Variants in DEFB112 observed in about 807,000 individuals in gnomAD.
DEFB112 encodes the protein defensin beta 112, also known as beta-defensin 112.
In DEFB112, 2 loss-of-function variants were observed where a neutral mutation model predicts 1.1. The ratio of observed to expected loss-of-function variants is 1.85; its 90% CI spans 0.76 to 5.83. The LOEUF is 5.83. DEFB112 is among the 30% of genes most tolerant of loss of function. The probability of loss-of-function intolerance (pLI) is 0.05; values close to 1 mark genes in which losing one functional copy is unlikely to be tolerated. For missense variants in DEFB112, 120 were observed against 94.4 expected (o/e 1.27, Z -1.12); for synonymous variants, 40 against 31.2 (o/e 1.28, Z -0.93).
chr6:50,045,757 C>T (rs1476202297), intron 1 of DEFB112, among the ~76,000 whole-genome samples: 1 of 152,086 alleles, frequency 6.6e-6, no homozygotes, highest in South Asian at 2.1e-4. Flanking sequence ...CAAAATGGCA[C>T]CTGTTACTGG....
At chr6:50,044,807 T>C (rs1424155765) in intron 1 of DEFB112, among the ~76,000 whole-genome samples, 1 of 152,108 alleles carries the variant, frequency 6.6e-6, no homozygotes, top group Non-Finnish European at 1.5e-5. Flanking sequence ...TGGATAAAAA[T>C]GACCAAGTCC....
At position 50,043,680 on chromosome 6, in the gene DEFB112, T is replaced by G. The variant is rs1432904318; in HGVS notation, c.180A>C (p.Thr60=). 1 of 1,613,616 alleles carries G rather than the reference T, an allele frequency of 6.2e-7. No homozygotes were observed. Among genetic ancestry groups the G allele is most frequent in the Admixed American group, 1.7e-5 (1 of 59,988 alleles). Reference sequence around the variant, plus strand: ...CACATTCTGTCACGCAGCAATGAGTTGTAGGTCTTGCACAGTATGAAATCC... The same window carrying G: ...CACATTCTGTCACGCAGCAATGAGTGGTAGGTCTTGCACAGTATGAAATCC... ...EFRISYCARP[T]THCCVTECDP... The change falls in exon 2 of 2, where the codon ACA becomes ACC. Residue 60 remains threonine (T), a synonymous_variant. Coordinates refer to ENST00000651554, the MANE Select transcript of DEFB112 (RefSeq NM_001369057.2).
Position 50,042,366 on chromosome 6 carries a change from G to C in DEFB112, c.*1209C>G, listed in dbSNP as rs1398609891. The stretch of plus-strand genomic sequence containing the variant: ...GGTACTGTGTACAGGATATGTTTTG[G>C]TTATAAGATTAACCCAAAGCTGAAA... On this transcript the variant is annotated 3_prime_UTR_variant, in exon 2 of 2. Transcript: ENST00000651554. Among the ~76,000 whole-genome samples, 1 of 151,962 alleles carries C rather than the reference G, an allele frequency of 6.6e-6. No individual in the cohort carries two copies. The highest frequency in any genetic ancestry group is 6.6e-5 in the Admixed American group (1 of 15,216).
At chr6:50,048,432 T>C in intron 1 of DEFB112, 1 of 916,790 alleles carries the variant, frequency 1.1e-6, no homozygotes, top group Non-Finnish European at 1.7e-6. Context: ...AACATATAAG[T>C]AAACAGGGAC....
In DEFB112 at chr6:50,043,594, G is replaced by A. The variant is rs138734325; in HGVS notation, c.266C>T (p.Pro89Leu). ...KDSVGTQEWY[P>L]KDSRH ...ATTTCTTCAATGACGTGAGTCTTTA[G>A]GGTACCATTCTTGAGTCCCTACTGA... The change falls in exon 2 of 2, where the codon CCT becomes CTT. Residue 89 changes from proline (P) to leucine (L), a missense_variant. Transcript: ENST00000651554. The A allele has an allele frequency of 1.7e-4, 278 of 1,613,004 alleles. No homozygotes were observed. In the African/African-American group the frequency reaches 2.8e-3, roughly 16 times the overall value.
chr6:50,045,226 C>A lies in DEFB112; in HGVS notation c.59-1425G>T, dbSNP rs535066539. 5.3e-5 allele frequency among the ~76,000 whole-genome samples: 8 copies of A among 151,970 alleles called. No individual in the cohort carries two copies. In the East Asian group the frequency reaches 7.7e-4, roughly 15 times the overall value. ...CCTCAGCATAGTTCTGTTCACAAAG[C>A]AACATATCACAAGGGGTATTTCCTT... is the stretch of plus-strand genomic sequence containing the variant. On this transcript the variant is annotated intron_variant, in intron 1 of 1. Transcript: ENST00000651554.
At chr6:50,044,840 T>C (rs943426641) in intron 1 of DEFB112, among the ~76,000 whole-genome samples, 15 of 152,070 alleles carry the variant, frequency 9.9e-5, no homozygotes, top group Non-Finnish European at 1.8e-4. Flanking sequence ...TCTGTAAGTA[T>C]GCTTTCATCT....
At chr6:50,044,159 T>G (rs1774796495) in intron 1 of DEFB112, among the ~76,000 whole-genome samples, 1 of 152,134 alleles carries the variant, frequency 6.6e-6, no homozygotes, top group East Asian at 1.9e-4. Flanking sequence ...AGTACTGTTC[T>G]GTGGTAAATG....
At position 50,043,020 on chromosome 6, in the gene DEFB112, A is replaced by G. The variant is rs1400072526; in HGVS notation, c.*555T>C. ...CATTCTTCTTTTCCTTCCTCAACCT[A>G]GTCTCCCTCTATTCTACCTTTTGAG... On this transcript the variant is annotated 3_prime_UTR_variant, in exon 2 of 2. Coordinates refer to ENST00000651554, the MANE Select transcript of DEFB112 (RefSeq NM_001369057.2). Among the ~76,000 whole-genome samples the G allele has an allele frequency of 3.9e-5, 6 of 151,922 alleles. No individual in the cohort carries two copies. Among genetic ancestry groups the G allele is most frequent in the African/African-American group, 4.8e-5 (2 of 41,386 alleles).
intron 1 of DEFB112, among the ~76,000 whole-genome samples, chr6:50,044,335 G>T (rs1463623730): frequency 6.6e-6 from 1 of 152,108 alleles, no homozygotes; most frequent in Admixed American, 6.6e-5. Context: ...ACACTTTGGG[G>T]TGATTAGAAT....
rs767552165 is a variant in DEFB112 at position 50,043,573 on chromosome 6, C to G, written c.*2G>C. ...GTATCATCTTCTTGTGCATGGATTTCTTCAATGACGTGAGTCTTTAGGGTA... is the reference window on the plus strand; with the variant it reads ...GTATCATCTTCTTGTGCATGGATTTGTTCAATGACGTGAGTCTTTAGGGTA... On this transcript the variant is annotated 3_prime_UTR_variant, in exon 2 of 2. Transcript: ENST00000651554. The G allele has an allele frequency of 6.2e-6, 10 of 1,610,128 alleles. No individual in the cohort carries two copies. The Admixed American group carries it at 1.7e-4, about 27-fold the overall frequency.
intron 1 of DEFB112, among the ~76,000 whole-genome samples, chr6:50,047,303 G>C (rs997368274): frequency 2.0e-5 from 3 of 152,172 alleles, no homozygotes; most frequent in Non-Finnish European, 4.4e-5. Flanking sequence ...TGAGGCCATG[G>C]GGGCCTGCTC....
At chr6:50,048,785 G>A in intron 1 of DEFB112, 3 of 593,466 alleles carry the variant, frequency 5.1e-6, no homozygotes, top group Non-Finnish European at 8.7e-6. Context: ...ATTATAAAAG[G>A]TTTTACAAAA....
At chr6:50,043,869 A>G (rs1346186638) in intron 1 of DEFB112, 68 bp from the exon 2 acceptor site, 13 of 1,307,602 alleles carry the variant, frequency 9.9e-6, no homozygotes, top group Non-Finnish European at 1.3e-5. Context: ...AAAAGAAGAC[A>G]TGGGAGTAAT....
intron 1 of DEFB112, among the ~76,000 whole-genome samples, chr6:50,044,739 A>AC (rs1774805227): frequency 6.6e-6 from 1 of 152,084 alleles, no homozygotes; most frequent in South Asian, 2.1e-4. Context: ...CTTAGGAAGT[A>AC]CATATCTACC....
intron 1 of DEFB112, among the ~76,000 whole-genome samples, chr6:50,045,441 T>C (rs1774815492): frequency 6.6e-6 from 1 of 152,096 alleles, no homozygotes; most frequent in South Asian, 2.1e-4. Context: ...CTTTCTTACT[T>C]TGCTTTATAT....
Position 50,046,280 on chromosome 6 carries a change from AGTTT to A in DEFB112, c.59-2483_59-2480del, listed in dbSNP as rs367728591. Reference sequence around the variant, plus strand: ...GTGTGTATCTTAGAGAGAATCATACAGTTTGTTTGTTTCTGGATTTTTAAATTTA... The same window carrying A: ...GTGTGTATCTTAGAGAGAATCATACAGTTTGTTTCTGGATTTTTAAATTTA... On this transcript the variant is annotated intron_variant, in intron 1 of 1. Coordinates refer to ENST00000651554, the MANE Select transcript of DEFB112 (RefSeq NM_001369057.2). Among the ~76,000 whole-genome samples the A allele has an allele frequency of 4.5e-4, 68 of 149,606 alleles. 1 individual carries two copies. The highest frequency in any genetic ancestry group is 1.5e-3 in the African/African-American group (61 of 40,744).
chr6:50,048,655 A>G (rs769099493), intron 1 of DEFB112: 9 of 1,602,432 alleles, frequency 5.6e-6, no homozygotes, highest in Non-Finnish European at 7.7e-6. Context: ...ATTTCATAAG[A>G]GTGCTAAGAG....
At chr6:50,046,463 C>T (rs1774836074) in intron 1 of DEFB112, among the ~76,000 whole-genome samples, 1 of 151,946 alleles carries the variant, frequency 6.6e-6, no homozygotes, top group Admixed American at 6.6e-5. Flanking sequence ...TGTACTGTTT[C>T]TTGAAGCATA....
Sources: allele counts gnomAD v4.1 joint callset (sites outside exome capture counted in the v4.1 genomes callset), GRCh38; gene constraint gnomAD v4.1.1; transcripts MANE v1.5; gene names NCBI Gene and HGNC (gene_info 2026-07-23, HGNC 2026-07-21).